The following CHRNA7 variants were observed in gnomAD, a reference collection of about 807,000 sequenced individuals.
The protein encoded by CHRNA7 is neuronal acetylcholine receptor subunit alpha-7.
CHRNA7 carries 17 observed loss-of-function variants against 48.0 expected under a neutral mutation model. The observed-to-expected ratio is 0.35, with a 90% CI of 0.24 to 0.53. CHRNA7 has a LOEUF of 0.53. Ranked by LOEUF, CHRNA7 falls within the 20% of genes least tolerant of loss-of-function variation. The pLI, the probability that CHRNA7 is intolerant of heterozygous loss-of-function variation, is 0.92. For missense variants in CHRNA7, 155 were observed against 577.7 expected, an observed-to-expected ratio of 0.27 and a Z score of 7.50; for synonymous variants, 75 against 242.3, an observed-to-expected ratio of 0.31 and a Z score of 6.41.
At chr15:32,151,851 C>T (rs995871303) in intron 4 of CHRNA7, among the ~76,000 whole-genome samples, 1 of 152,116 alleles carries the variant, frequency 6.6e-6, no homozygotes, top group Non-Finnish European at 1.5e-5. Flanking sequence ...AGACTGTCCT[C>T]CGGTATCTGT....
chr15:32,065,837 C>T (rs763200233), intron 2 of CHRNA7, among the ~76,000 whole-genome samples: 1 of 150,722 alleles, frequency 6.6e-6, no homozygotes, highest in Non-Finnish European at 1.5e-5. Context: ...ACATAGCCCA[C>T]TGCAAACACT....
intron 4 of CHRNA7, among the ~76,000 whole-genome samples, chr15:32,133,408 A>G (rs1315898993): frequency 6.6e-6 from 1 of 152,174 alleles, no homozygotes; most frequent in Non-Finnish European, 1.5e-5. Context: ...GGGCCCGTGG[A>G]GCCCAGCTCT....
intron 4 of CHRNA7, among the ~76,000 whole-genome samples, chr15:32,145,668 C>T (rs1595499373): frequency 6.6e-6 from 1 of 152,160 alleles, no homozygotes; most frequent in Non-Finnish European, 1.5e-5. Flanking sequence ...CCTCACAGAT[C>T]GATCACAGAC....
At chr15:32,146,008 G>A (rs567435216) in intron 4 of CHRNA7, among the ~76,000 whole-genome samples, 105 of 152,314 alleles carry the variant, frequency 6.9e-4, no homozygotes, top group African/African-American at 2.4e-3. Context: ...GATCTCGTTT[G>A]GAGCTGCAGA....
At chr15:32,051,031 C>G (rs1325306120) in intron 2 of CHRNA7, among the ~76,000 whole-genome samples, 4 of 137,270 alleles carry the variant, frequency 2.9e-5, no homozygotes, top group Middle Eastern at 3.3e-3. Flanking sequence ...GAGTACCCGG[C>G]CGTGTGAGGT....
chr15:32,059,705 G>C (rs1375629507), intron 2 of CHRNA7, among the ~76,000 whole-genome samples: 2 of 152,024 alleles, frequency 1.3e-5, no homozygotes, highest in Non-Finnish European at 2.9e-5. Context: ...GAGCGAATGG[G>C]AAGTACAGAT....
At chr15:32,082,556 T>C (rs1028942091) in intron 2 of CHRNA7, among the ~76,000 whole-genome samples, 2 of 152,190 alleles carry the variant, frequency 1.3e-5, no homozygotes, top group African/African-American at 4.8e-5. Context: ...AATATGGGGA[T>C]CATAGAATAG....
chr15:32,101,589 G>A lies in CHRNA7; in HGVS notation c.240+242G>A, dbSNP rs569939152. ...ATCAACACATAGGACAAGGTAATGT[G>A]GGGACACTTCAGAAGCACTTCAGGC... On this transcript the variant is annotated intron_variant, in intron 3 of 9. Coordinates refer to ENST00000306901, the MANE Select transcript of CHRNA7 (RefSeq NM_000746.6). 5.1e-4 allele frequency: 246 copies of A among 482,984 alleles called. 1 individual carries two copies. Among genetic ancestry groups the A allele is most frequent in the Non-Finnish European group, 7.4e-4 (207 of 278,986 alleles). The allele number at this position is 482,984 out of a possible 1,614,324, so 29.9% of individuals were successfully genotyped here.
intron 2 of CHRNA7, among the ~76,000 whole-genome samples, chr15:32,083,992 A>G (rs1381098251): frequency 1.3e-5 from 2 of 152,188 alleles, no homozygotes; most frequent in African/African-American, 2.4e-5. Context: ...TAGATGGGCA[A>G]TGGAATTTTG....
intron 9 of CHRNA7, chr15:32,165,882 CAG>C: frequency 6.6e-6 from 1 of 151,756 alleles, no homozygotes; most frequent in East Asian, 1.9e-4. Context: ...ATGGACTTGG[CAG>C]AGTGTATCGT....
At chr15:32,119,055 C>T (rs1231224988) in intron 4 of CHRNA7, among the ~76,000 whole-genome samples, 4 of 151,808 alleles carry the variant, frequency 2.6e-5, no homozygotes, top group Non-Finnish European at 5.9e-5. Flanking sequence ...GAATACTAGG[C>T]ATGGTCACAG....
chr15:32,067,571 T>C (rs1030651196), intron 2 of CHRNA7, among the ~76,000 whole-genome samples: 2 of 152,118 alleles, frequency 1.3e-5, no homozygotes, highest in Non-Finnish European at 2.9e-5. Context: ...TATAAAGAGA[T>C]AAAGAATATC....
At chr15:32,105,240 G>A (rs534267043) in intron 3 of CHRNA7, among the ~76,000 whole-genome samples, 1 of 152,284 alleles carries the variant, frequency 6.6e-6, no homozygotes, top group African/African-American at 2.4e-5. Flanking sequence ...ATTAAACTGG[G>A]CCAGGTGAGG....
intron 2 of CHRNA7, among the ~76,000 whole-genome samples, chr15:32,069,813 T>C (rs1170380180): frequency 1.3e-5 from 2 of 152,210 alleles, no homozygotes; most frequent in East Asian, 3.8e-4. Context: ...GTTGCTTTTT[T>C]TTTAAAACAA....
rs74642319 is a variant in CHRNA7 at position 32,139,352 on chromosome 15, G to A, written c.351-14555G>A. Among the ~76,000 whole-genome samples the A allele has an allele frequency of 3.0e-3, 459 of 152,330 alleles. 1 individual carries two copies. Among genetic ancestry groups the A allele is most frequent in the African/African-American group, 0.01 (427 of 41,572 alleles). ...TATGTAGGTTTCTGTGTGAACACAC[G>A]TTTTCTGCTCCTTTGGATAAATACA... On this transcript the variant is annotated intron_variant, in intron 4 of 9. Transcript: ENST00000306901.
In CHRNA7 at chr15:32,049,713, T is replaced by A. The variant is rs371409358; in HGVS notation, c.195+18676T>A. Among the ~76,000 whole-genome samples, 4 of 152,264 alleles carry A rather than the reference T, an allele frequency of 2.6e-5. No homozygotes were observed. In the South Asian group the frequency reaches 8.3e-4, roughly 32 times the overall value. On this transcript the variant is annotated intron_variant, in intron 2 of 9. Transcript: ENST00000306901. ...TATGATGTTAGCTGGTTATTTTGCT[T>A]GTTAGTTGATGCAGTTTCTTCCTAG... is the stretch of plus-strand genomic sequence containing the variant.
chr15:32,110,305 AC>A, intron 3 of CHRNA7, among the ~76,000 whole-genome samples: 1 of 152,166 alleles, frequency 6.6e-6, no homozygotes, highest in East Asian at 1.9e-4. Flanking sequence ...TTCCTGGAAG[AC>A]AACTAGGACA....
chr15:32,085,787 C>T (rs2050285545), intron 2 of CHRNA7, among the ~76,000 whole-genome samples: 1 of 152,158 alleles, frequency 6.6e-6, no homozygotes, highest in African/African-American at 2.4e-5. Flanking sequence ...TAACTTTACT[C>T]TTGGACGGCA....
At chr15:32,121,050 A>G (rs937493792) in intron 4 of CHRNA7, among the ~76,000 whole-genome samples, 2 of 152,118 alleles carry the variant, frequency 1.3e-5, no homozygotes, top group Admixed American at 1.3e-4. Context: ...TCTGCACAGG[A>G]GGAGACTTAG....
Sources: gnomAD v4.1 joint callset for allele counts (sites outside exome capture counted in the v4.1 genomes callset) on GRCh38, gnomAD v4.1.1 for gene constraint, MANE v1.5 for transcripts, NCBI Gene and HGNC (gene_info 2026-07-23, HGNC 2026-07-21) for gene names.